SQOR: variants seen among roughly 807,000 people sequenced by gnomAD.
SQOR encodes sulfide:quinone oxidoreductase, mitochondrial.
In SQOR, 39 loss-of-function variants were observed where a neutral mutation model predicts 48.6. The ratio of observed to expected loss-of-function variants is 0.80; its 90% CI spans 0.62 to 1.05. The LOEUF (loss-of-function observed/expected upper bound fraction) is 1.05, where lower values mean the gene tolerates loss of function less well. Ranked by LOEUF, SQOR falls within the 50% of genes least tolerant of loss-of-function variation. The pLI is 0.00. For synonymous variants in SQOR, 220 were observed against 206.2 expected (o/e 1.07, Z -0.57); for missense variants, 561 against 559.9 (o/e 1.00, Z -0.02).
At chr15:45,647,687 G>A (rs1247980641) in intron 1 of SQOR, among the ~76,000 whole-genome samples, 2 of 152,076 alleles carry the variant, frequency 1.3e-5, no homozygotes, top group Non-Finnish European at 2.9e-5. Context: ...AGGCCAAGGC[G>A]GGTGGATCTC....
chr15:45,669,962 TCC>T lies in SQOR; in HGVS notation c.441_442del (p.Gln148AlafsTer4). The T allele has an allele frequency of 6.2e-7, 1 of 1,614,160 alleles. No homozygotes were observed. Among genetic ancestry groups the T allele is most frequent in the Non-Finnish European group, 8.5e-7 (1 of 1,180,002 alleles). ...CGATATCTTATTATTGCTCTCGGAA[TCC>T]AGCTGGACTATGAGAAGGTACCGTG... is the stretch of plus-strand genomic sequence containing the variant. On this transcript the variant is annotated frameshift_variant, in exon 4 of 10. Coordinates refer to ENST00000260324, the MANE Select transcript of SQOR (RefSeq NM_021199.4). LOFTEE classifies it high-confidence loss of function.
At chr15:45,634,280 A>AT (rs1362388835), upstream of SQOR, among the ~76,000 whole-genome samples, 1 of 146,406 alleles carries the variant, frequency 6.8e-6, no homozygotes, top group Non-Finnish European at 1.5e-5. Context: ...TCAAGGGTTT[A>AT]TTTTTGTTTG....
chr15:45,647,325 TAAC>T, intron 1 of SQOR, among the ~76,000 whole-genome samples: 1 of 133,132 alleles, frequency 7.5e-6, no homozygotes, highest in Non-Finnish European at 1.5e-5. Flanking sequence ...CAAGCTACTT[TAAC>T]TTTTTTTTTT....
intron 1 of SQOR, among the ~76,000 whole-genome samples, chr15:45,645,496 C>G (rs1032432573): frequency 5.9e-5 from 9 of 152,100 alleles, no homozygotes; most frequent in African/African-American, 2.2e-4. Flanking sequence ...TTGTCTTCCC[C>G]AATGTGGGTT....
chr15:45,632,939 T>C (rs1894923367), upstream of SQOR, among the ~76,000 whole-genome samples: 1 of 136,528 alleles, frequency 7.3e-6, no homozygotes, highest in Non-Finnish European at 1.5e-5. Flanking sequence ...TCTCCATCTC[T>C]ACAAAAAAAA....
chr15:45,633,351 G>A (rs528129270), upstream of SQOR, among the ~76,000 whole-genome samples: 38 of 152,270 alleles, frequency 2.5e-4, no homozygotes, highest in African/African-American at 8.9e-4. Flanking sequence ...GAAGAAAAGA[G>A]TATACTTTGT....
In SQOR at chr15:45,688,413, G is replaced by A. The variant is rs766838774; in HGVS notation, c.1116+9G>A. ...AAACACCAACAAAGAAGGTTTGTATGCCTTGTAAGAATCACTGTCTCAATG... is the reference window on the plus strand; with the variant it reads ...AAACACCAACAAAGAAGGTTTGTATACCTTGTAAGAATCACTGTCTCAATG... On this transcript the variant is annotated intron_variant, in intron 8 of 9. Coordinates refer to ENST00000260324, the MANE Select transcript of SQOR (RefSeq NM_021199.4). 1 of 1,581,252 alleles carries A rather than the reference G, an allele frequency of 6.3e-7. No homozygotes were observed. The highest frequency in any genetic ancestry group is 8.6e-7 in the Non-Finnish European group (1 of 1,158,662).
At chr15:45,671,126 A>G (rs1889934519) in intron 4 of SQOR, among the ~76,000 whole-genome samples, 1 of 152,214 alleles carries the variant, frequency 6.6e-6, no homozygotes, top group African/African-American at 2.4e-5. Context: ...TGGAATCTCT[A>G]TTACATACCA....
intron 1 of SQOR, among the ~76,000 whole-genome samples, chr15:45,656,484 G>T (rs1457844204): frequency 2.0e-5 from 3 of 151,238 alleles, no homozygotes; most frequent in African/African-American, 4.9e-5. Flanking sequence ...TAGAGTTGGG[G>T]TTTCCCCATG....
At chr15:45,681,142 G>A (rs1008250185) in intron 6 of SQOR, among the ~76,000 whole-genome samples, 1 of 152,200 alleles carries the variant, frequency 6.6e-6, no homozygotes, top group Non-Finnish European at 1.5e-5. Context: ...GTTCGAGGCT[G>A]TAGTGAGCTA....
chr15:45,669,629 A>C (rs1889902668), intron 3 of SQOR, among the ~76,000 whole-genome samples: 1 of 152,174 alleles, frequency 6.6e-6, no homozygotes. Flanking sequence ...CAGCTTACAA[A>C]ATATTTGTGA....
chr15:45,652,752 A>C (rs1171326771), intron 1 of SQOR, among the ~76,000 whole-genome samples: 3 of 143,594 alleles, frequency 2.1e-5, no homozygotes, highest in African/African-American at 7.8e-5. Context: ...CAGGTGGATC[A>C]CTTGAGGTCA....
intron 3 of SQOR, among the ~76,000 whole-genome samples, chr15:45,663,994 A>C (rs74244959): frequency 0.061 from 9,226 of 152,286 alleles, 303 homozygotes; most frequent in South Asian, 0.11. Context: ...TACAATCAAC[A>C]TAGACATGAT....
intron 1 of SQOR, among the ~76,000 whole-genome samples, chr15:45,652,019 G>A (rs141482625): frequency 1.5e-4 from 22 of 151,462 alleles, no homozygotes; most frequent in Middle Eastern, 3.4e-3. Flanking sequence ...CCTCCCAAGC[G>A]TGTGCCACCA....
intron 9 of SQOR, 97 bp from the exon 10 acceptor site, chr15:45,690,876 C>A: frequency 2.9e-6 from 3 of 1,030,038 alleles, no homozygotes; most frequent in Middle Eastern, 2.4e-4. Context: ...GATGAACATG[C>A]TCTGTGAGCA....
intron 1 of SQOR, among the ~76,000 whole-genome samples, chr15:45,649,696 T>A (rs777350679): frequency 5.3e-5 from 8 of 152,184 alleles, no homozygotes; most frequent in African/African-American, 1.2e-4. Context: ...TTGGCCAGGC[T>A]AGTCTCAAAC....
At chr15:45,663,429 A>C (rs777409855) in intron 3 of SQOR, among the ~76,000 whole-genome samples, 11 of 152,088 alleles carry the variant, frequency 7.2e-5, no homozygotes, top group Non-Finnish European at 1.5e-4. Flanking sequence ...GCTTTTAGGG[A>C]GTTCAGAGAT....
At chr15:45,640,664 G>C (rs1374085293) in intron 1 of SQOR, among the ~76,000 whole-genome samples, 1 of 152,178 alleles carries the variant, frequency 6.6e-6, no homozygotes, top group African/African-American at 2.4e-5. Context: ...TGAATGAAAT[G>C]GCCAGTCCCG....
chr15:45,678,578 T>C (rs1191552504), intron 6 of SQOR, among the ~76,000 whole-genome samples: 3 of 152,012 alleles, frequency 2.0e-5, no homozygotes, highest in Non-Finnish European at 2.9e-5. Context: ...TTCCTTTACT[T>C]TCTGGTGTCA....
Sources: allele counts gnomAD v4.1 joint callset (sites outside exome capture counted in the v4.1 genomes callset), GRCh38; gene constraint gnomAD v4.1.1; transcripts MANE v1.5; gene names NCBI Gene and HGNC (gene_info 2026-07-23, HGNC 2026-07-21).